The following PTGR1 variants were observed in gnomAD, a reference collection of about 807,000 sequenced individuals.
PTGR1 encodes the protein 15-oxoprostaglandin 13-reductase.
In PTGR1, 23 loss-of-function variants were observed where a neutral mutation model predicts 37.7. The ratio of observed to expected loss-of-function variants is 0.61; its 90% CI spans 0.44 to 0.86. The LOEUF is 0.86. Among genes scored for constraint, PTGR1 ranks in the 40% least tolerant of loss-of-function variants. The pLI is 0.00. For missense variants in PTGR1, 351 were observed against 394.3 expected (o/e 0.89, Z 0.93); for synonymous variants, 134 against 140.0 (o/e 0.96, Z 0.30).
chr9:111,580,532 G>A (rs1450209675), intron 6 of PTGR1, among the ~76,000 whole-genome samples: 1 of 152,190 alleles, frequency 6.6e-6, no homozygotes, highest in Non-Finnish European at 1.5e-5. Context: ...GAGGTGGGTG[G>A]ATCACCGGAG....
intron 6 of PTGR1, among the ~76,000 whole-genome samples, chr9:111,581,420 C>A (rs1196976221): frequency 6.6e-6 from 1 of 152,046 alleles, no homozygotes; most frequent in Non-Finnish European, 1.5e-5. Flanking sequence ...AAGTTGCAGG[C>A]AGGATTAAAC....
intron 9 of PTGR1, among the ~76,000 whole-genome samples, chr9:111,552,311 C>T (rs986284354): frequency 6.6e-6 from 1 of 151,954 alleles, no homozygotes; most frequent in Non-Finnish European, 1.5e-5. Flanking sequence ...GTTTCATAAA[C>T]TGTCAACATT....
At chr9:111,574,434 C>T (rs1390743894) in intron 8 of PTGR1, 3 of 170,814 alleles carry the variant, frequency 1.8e-5, no homozygotes, top group East Asian at 1.5e-4. Context: ...ACTGCAGCCT[C>T]GCCTCCCAGG....
chr9:111,563,304 A>T lies in PTGR1; in HGVS notation c.880-73T>A, dbSNP rs931240862. ...ATGATATACTGTTCTCATCCTAGCA[A>T]CAAATTTATCAGGTACATCATTGGA... On this transcript the variant is annotated intron_variant, in intron 9 of 9. Coordinates refer to ENST00000407693, the MANE Select transcript of PTGR1 (RefSeq NM_001146108.2). 4.4e-5 allele frequency: 61 copies of T among 1,395,362 alleles called. 1 individual carries two copies. The highest frequency in any genetic ancestry group is 5.0e-5 in the Non-Finnish European group (52 of 1,031,390). 86.4% of individuals were successfully genotyped at this position (1,395,362 alleles called of 1,614,324 possible).
intron 1 of PTGR1, chr9:111,599,326 T>C (rs1829873672): frequency 6.6e-6 from 1 of 152,326 alleles, no homozygotes. Context: ...CCCTCCCGGG[T>C]GCAGGAAGCT....
intron 9 of PTGR1, among the ~76,000 whole-genome samples, chr9:111,554,184 C>G (rs141608929): frequency 5.3e-5 from 8 of 152,302 alleles, no homozygotes; most frequent in African/African-American, 1.9e-4. Context: ...GTTATTGGAA[C>G]TAACTACTTA....
At chr9:111,570,479 A>C (rs1828765255) in intron 8 of PTGR1, among the ~76,000 whole-genome samples, 1 of 152,148 alleles carries the variant, frequency 6.6e-6, no homozygotes, top group Non-Finnish European at 1.5e-5. Flanking sequence ...AGATATGATT[A>C]AGAAGTTTGG....
At chr9:111,560,081 A>C (rs1049691071), downstream of PTGR1, among the ~76,000 whole-genome samples, 1 of 152,012 alleles carries the variant, frequency 6.6e-6, no homozygotes, top group Non-Finnish European at 1.5e-5. Context: ...TATGCCTCCC[A>C]AAGTGCCTCA....
intron 9 of PTGR1, among the ~76,000 whole-genome samples, chr9:111,556,441 C>A (rs551057327): frequency 9.8e-5 from 15 of 152,354 alleles, no homozygotes; most frequent in African/African-American, 3.6e-4. Flanking sequence ...CCATGTTATC[C>A]CTCTGCACTG....
intron 1 of PTGR1, 150 bp from the exon 2 acceptor site, chr9:111,597,582 A>G: frequency 1.7e-6 from 1 of 598,148 alleles, no homozygotes; most frequent in Admixed American, 2.9e-5. Context: ...TTTAACATTT[A>G]CTATGTTTCT....
chr9:111,557,477 G>A (rs1422942751), intron 9 of PTGR1, among the ~76,000 whole-genome samples: 4 of 151,286 alleles, frequency 2.6e-5, no homozygotes, highest in African/African-American at 9.7e-5. Flanking sequence ...ATGGAGTCTC[G>A]CTCTGTCTCT....
intron 9 of PTGR1, among the ~76,000 whole-genome samples, chr9:111,550,608 T>G (rs1035745029): frequency 6.6e-6 from 1 of 152,184 alleles, no homozygotes; most frequent in Non-Finnish European, 1.5e-5. Context: ...TTAGGAACTT[T>G]CTGCCGATGT....
intron 9 of PTGR1, chr9:111,563,524 G>C (rs74371644): frequency 5.8e-6 from 1 of 171,926 alleles, no homozygotes; most frequent in Non-Finnish European, 1.1e-5. Context: ...TTTTTTTTTT[G>C]AGACAGAGTC....
At chr9:111,551,202 G>GT (rs1827932273) in intron 9 of PTGR1, among the ~76,000 whole-genome samples, 3 of 151,842 alleles carry the variant, frequency 2.0e-5, no homozygotes, top group Admixed American at 1.3e-4. Context: ...GAGACATTTT[G>GT]TTTTTTGCAC....
chr9:111,597,249 T>C (rs1829807661), intron 2 of PTGR1, 68 bp downstream of exon 2: 1 of 1,225,174 alleles, frequency 8.2e-7, no homozygotes, highest in Non-Finnish European at 1.2e-6. Context: ...TTTGGGGTAG[T>C]TTGTTATGCA....
chr9:111,585,827 A>G (rs1191413522), intron 5 of PTGR1, among the ~76,000 whole-genome samples, 171 bp downstream of exon 5: 4 of 152,184 alleles, frequency 2.6e-5, no homozygotes, highest in African/African-American at 9.7e-5. Flanking sequence ...CCATTCACCC[A>G]TTGATGGACA....
intron 6 of PTGR1, among the ~76,000 whole-genome samples, chr9:111,581,265 CAAG>C (rs1829271631): frequency 6.6e-6 from 1 of 152,034 alleles, no homozygotes; most frequent in Non-Finnish European, 1.5e-5. Context: ...AGAGAGCATA[CAAG>C]AATAGTCCTA....
chr9:111,578,703 G>C, intron 7 of PTGR1, 93 bp downstream of exon 7: 1 of 1,162,674 alleles, frequency 8.6e-7, no homozygotes. Context: ...ATAGGCTATG[G>C]ACCACTAACC....
At chr9:111,552,375 C>T (rs1387219836) in intron 9 of PTGR1, among the ~76,000 whole-genome samples, 4 of 151,976 alleles carry the variant, frequency 2.6e-5, no homozygotes, top group African/African-American at 9.7e-5. Context: ...ATCCGTGACT[C>T]GTTTCTTGGA....
Sources: allele counts gnomAD v4.1 joint callset (sites outside exome capture counted in the v4.1 genomes callset), GRCh38; gene constraint gnomAD v4.1.1; transcripts MANE v1.5; gene names NCBI Gene and HGNC (gene_info 2026-07-23, HGNC 2026-07-21).